MAP3K20: variants seen among roughly 807,000 people sequenced by gnomAD.
MAP3K20 encodes the protein mitogen-activated protein kinase kinase kinase 20.
A neutral mutation model predicts 85.7 loss-of-function variants in MAP3K20; 40 were observed. The observed-to-expected ratio is 0.47, with a 90% CI of 0.36 to 0.61. MAP3K20 has a LOEUF of 0.61. Ranked by LOEUF, MAP3K20 falls within the 20% of genes least tolerant of loss-of-function variation. The probability of loss-of-function intolerance (pLI) is 0.00; values close to 1 mark genes in which losing one functional copy is unlikely to be tolerated. For missense variants in MAP3K20, 817 were observed against 961.7 expected (o/e 0.85, Z 1.99); for synonymous variants, 325 against 327.7 (o/e 0.99, Z 0.09).
chr2:173,224,144 A>G lies in MAP3K20; in HGVS notation c.988-5545A>G, dbSNP rs532488919. 25 of 862,080 alleles carry G rather than the reference A, an allele frequency of 2.9e-5. No individual in the cohort carries two copies. In the South Asian group the frequency reaches 1.2e-3, roughly 42 times the overall value. The allele number at this position is 862,080 out of a possible 1,614,324, so 53.4% of individuals were successfully genotyped here. A position where few individuals can be genotyped will look rare whatever the true frequency, so the allele number is the denominator to read the frequency against. On this transcript the variant is annotated intron_variant, in intron 11 of 19. Transcript: ENST00000375213. ...TTGATAAGTATATGCCAAAAAATGA[A>G]GCCGGGAAGGAGGACAAGGCCCATG...
chr2:173,235,626 GTGA>G (rs1401628108), intron 14 of MAP3K20, among the ~76,000 whole-genome samples: 3 of 152,184 alleles, frequency 2.0e-5, no homozygotes. Flanking sequence ...CCCTTTGGGG[GTGA>G]TGAAAATGTT....
At chr2:173,235,585 G>A (rs549810412) in intron 14 of MAP3K20, among the ~76,000 whole-genome samples, 1 of 152,316 alleles carries the variant, frequency 6.6e-6, no homozygotes, top group East Asian at 1.9e-4. Flanking sequence ...GAGGAGGCAA[G>A]GGTTCTTGAC....
intron 2 of MAP3K20, among the ~76,000 whole-genome samples, chr2:173,163,183 G>A (rs1689715701): frequency 6.6e-6 from 1 of 152,214 alleles, no homozygotes; most frequent in African/African-American, 2.4e-5. Context: ...TGGGTAAATT[G>A]TGTGTCATGG....
chr2:173,260,778 C>T (rs1452858668), intron 17 of MAP3K20, among the ~76,000 whole-genome samples: 1 of 152,122 alleles, frequency 6.6e-6, no homozygotes, highest in Non-Finnish European at 1.5e-5. Flanking sequence ...GAATTAATGA[C>T]CTAATGATAG....
chr2:173,112,177 A>G (rs1687994766), intron 2 of MAP3K20, among the ~76,000 whole-genome samples: 1 of 152,074 alleles, frequency 6.6e-6, no homozygotes, highest in South Asian at 2.1e-4. Context: ...GCTATTGTAA[A>G]AGGGGTTGAG....
In MAP3K20 at chr2:173,116,013, TAA is replaced by T. The variant is rs201110882; in HGVS notation, c.159+24837_159+24838del. 3.4e-5 allele frequency among the ~76,000 whole-genome samples: 5 copies of T among 145,302 alleles called. 1 individual carries two copies. The highest frequency in any genetic ancestry group is 1.4e-4 in the Admixed American group (2 of 14,674). On this transcript the variant is annotated intron_variant, in intron 2 of 19. Transcript: ENST00000375213. Reference sequence around the variant, plus strand: ...AGGGCAGAGCAGGAAAGAGTCTAATTAAAAAAAAAAAAAAATTGTAGAGAAAG... The same window carrying T: ...AGGGCAGAGCAGGAAAGAGTCTAATTAAAAAAAAAAAAATTGTAGAGAAAG...
At chr2:173,212,006 TCACAGCATCAAAATGTGCCTTGAA>T (rs1258184424) in intron 10 of MAP3K20, 1 of 152,216 alleles carries the variant, frequency 6.6e-6, no homozygotes, top group Non-Finnish European at 1.5e-5. Flanking sequence ...TGTTCATCAC[TCACAGCATCAAAATGTGCCTTGAA>T]CACAGCATTT....
intron 7 of MAP3K20, chr2:173,193,006 A>G (rs1574094590): frequency 2.0e-5 from 3 of 152,322 alleles, no homozygotes; most frequent in Middle Eastern, 3.4e-3. Context: ...CCCATCAAAC[A>G]TGAAAAAGCC....
intron 17 of MAP3K20, among the ~76,000 whole-genome samples, chr2:173,260,033 A>G (rs1338979793): frequency 1.3e-5 from 2 of 152,196 alleles, no homozygotes; most frequent in African/African-American, 4.8e-5. Context: ...CGAAACAATA[A>G]TAATCCTAAT....
At chr2:173,130,566 T>C (rs1574040959) in intron 2 of MAP3K20, among the ~76,000 whole-genome samples, 1 of 152,178 alleles carries the variant, frequency 6.6e-6, no homozygotes, top group African/African-American at 2.4e-5. Flanking sequence ...AAGATTGAAA[T>C]CTTTCCAGTT....
At chr2:173,138,105 C>T (rs1688848399) in intron 2 of MAP3K20, among the ~76,000 whole-genome samples, 1 of 152,022 alleles carries the variant, frequency 6.6e-6, no homozygotes, top group Non-Finnish European at 1.5e-5. Flanking sequence ...GTAGCTGGGA[C>T]TACAGGCGCC....
In MAP3K20 at chr2:173,198,024, AG is replaced by A; in HGVS notation, c.583del. ...AAAAATTCCATTTTCTTTTTGTTCC[AG>A]GTTCTCTGGGAGATGCTAACAAGGG... On this transcript the variant is annotated splice_acceptor_variant, in intron 7 of 19. Transcript: ENST00000375213. LOFTEE classifies it high-confidence loss of function. This position sits in a 1 kb window ranked among gnomAD's most constrained non-coding sequence, Gnocchi z 5.8. The A allele has an allele frequency of 1.2e-6, 2 of 1,609,734 alleles. No individual in the cohort carries two copies. Among genetic ancestry groups the A allele is most frequent in the Non-Finnish European group, 1.7e-6 (2 of 1,178,082 alleles).
chr2:173,078,075 G>C (rs1320521187), intron 1 of MAP3K20, among the ~76,000 whole-genome samples: 2 of 152,196 alleles, frequency 1.3e-5, no homozygotes, highest in Non-Finnish European at 2.9e-5. Flanking sequence ...AACTTTTCAT[G>C]AAAATAAGTC....
intron 2 of MAP3K20, among the ~76,000 whole-genome samples, chr2:173,124,751 A>G (rs2106192224): frequency 6.6e-6 from 1 of 152,350 alleles, no homozygotes; most frequent in South Asian, 2.1e-4. Flanking sequence ...GTCAAGAGGA[A>G]GAAAAAGCAG....
intron 16 of MAP3K20, among the ~76,000 whole-genome samples, chr2:173,254,849 C>T (rs1318925464): frequency 2.0e-5 from 3 of 152,210 alleles, no homozygotes; most frequent in Non-Finnish European, 2.9e-5. Flanking sequence ...AACTAGGCAA[C>T]GATGACATCA....
intron 2 of MAP3K20, among the ~76,000 whole-genome samples, chr2:173,157,779 G>A (rs1285493577): frequency 1.3e-5 from 2 of 152,228 alleles, no homozygotes; most frequent in Non-Finnish European, 2.9e-5. Flanking sequence ...CCTAGTGCCT[G>A]TAGGGAGTTA....
At chr2:173,205,123 T>TAA (rs1416577493) in intron 9 of MAP3K20, among the ~76,000 whole-genome samples, 3 of 124,682 alleles carry the variant, frequency 2.4e-5, no homozygotes, top group African/African-American at 1.0e-4. Flanking sequence ...AAAAAAAAAA[T>TAA]AAATAAATAA....
chr2:173,181,144 AGTCACTAGGGAAAT>A, intron 3 of MAP3K20, among the ~76,000 whole-genome samples: 1 of 152,326 alleles, frequency 6.6e-6, no homozygotes, highest in South Asian at 2.1e-4. Flanking sequence ...CAACTTTGTT[AGTCACTAGGGAAAT>A]GCAAATTAAA....
chr2:173,183,518 A>C (rs1372646545), intron 4 of MAP3K20, among the ~76,000 whole-genome samples: 2 of 152,128 alleles, frequency 1.3e-5, no homozygotes, highest in Non-Finnish European at 2.9e-5. Flanking sequence ...CCCCTAAACA[A>C]AGTGCCCAGT....
Sources: gnomAD v4.1 joint callset for allele counts (sites outside exome capture counted in the v4.1 genomes callset) on GRCh38, gnomAD v4.1.1 for gene constraint, Gnocchi (gnomAD v3.1) non-coding constraint, MANE v1.5 for transcripts, NCBI Gene and HGNC (gene_info 2026-07-23, HGNC 2026-07-21) for gene names.